Variants in GIMAP4 observed in about 807,000 individuals in gnomAD.
GIMAP4 encodes the protein GTPase IMAP family member 4.
A neutral mutation model predicts 10.8 loss-of-function variants in GIMAP4; 12 were observed. The observed-to-expected ratio is 1.11, with a 90% CI of 0.71 to 1.81. The LOEUF (loss-of-function observed/expected upper bound fraction) is 1.81. Ranked by LOEUF, GIMAP4 falls within the 40% of genes most tolerant of loss-of-function variation. The pLI, the probability that GIMAP4 is intolerant of heterozygous loss-of-function variation, is 0.00. For missense variants in GIMAP4, 412 were observed against 404.6 expected (o/e 1.02, Z -0.16); for synonymous variants, 149 against 147.2 (o/e 1.01, Z -0.09).
At chr7:150,567,934 G>A in intron 1 of GIMAP4, among the ~76,000 whole-genome samples, 1 of 152,198 alleles carries the variant, frequency 6.6e-6, no homozygotes, top group Non-Finnish European at 1.5e-5. Context: ...ACAGTCCTGG[G>A]TTTACTGGGC....
chr7:150,572,626 T>A lies in GIMAP4; in HGVS notation c.556T>A (p.Tyr186Asn), dbSNP rs747093332. 3.7e-6 allele frequency: 6 copies of A among 1,614,218 alleles called. No homozygotes were observed. The change falls in exon 3 of 3, where the codon TAC becomes AAC. Residue 186 changes from tyrosine to asparagine, a missense_variant. Transcript: ENST00000255945. ...QDLMDIFGDRYCALNNKATGA... is the reference protein window; with the variant it reads ...QDLMDIFGDRNCALNNKATGA... ...CTTGATGGACATTTTCGGTGACCGC[T>A]ACTGTGCGTTAAACAACAAGGCAAC... is the stretch of plus-strand genomic sequence containing the variant.
At position 150,572,644 on chromosome 7, in the gene GIMAP4, A is replaced by G. The variant is rs1262478680; in HGVS notation, c.574A>G (p.Lys192Glu). ...TGACCGCTACTGTGCGTTAAACAAC[A>G]AGGCAACAGGCGCTGAGCAGGAGGC... ...FGDRYCALNN[K>E]ATGAEQEAQR... The change falls in exon 3 of 3, where the codon AAG (lysine) becomes GAG (glutamate). Residue 192 changes from lysine to glutamate, a missense_variant. Coordinates refer to ENST00000255945, the MANE Select transcript of GIMAP4 (RefSeq NM_018326.3). The G allele has an allele frequency of 3.7e-6, 6 of 1,614,220 alleles. No individual in the cohort carries two copies. The highest frequency in any genetic ancestry group is 5.1e-6 in the Non-Finnish European group (6 of 1,180,030).
At chr7:150,571,424 A>T (rs1465865496) in intron 2 of GIMAP4, among the ~76,000 whole-genome samples, 1 of 152,202 alleles carries the variant, frequency 6.6e-6, no homozygotes, top group Non-Finnish European at 1.5e-5. Context: ...TTGGGAAAAT[A>T]AATCTCCACT....
At position 150,572,218 on chromosome 7, in the gene GIMAP4, A is replaced by G; in HGVS notation, c.148A>G (p.Ile50Val). The change falls in exon 3 of 3, where the codon ATC (isoleucine) becomes GTC (valine). Residue 50 changes from isoleucine (I) to valine (V), a missense_variant. Transcript: ENST00000255945. Reference sequence around the variant, plus strand: ...AGGAAAAAGTGCAACAGGAAACAGCATCCTTGGCCGGAAAGTGTTTCATTC... The same window carrying G: ...AGGAAAAAGTGCAACAGGAAACAGCGTCCTTGGCCGGAAAGTGTTTCATTC... ...GAGKSATGNS[I>V]LGRKVFHSGT... 8 of 1,614,040 alleles carry G rather than the reference A, an allele frequency of 5.0e-6. No homozygotes were observed. The highest frequency in any genetic ancestry group is 6.8e-6 in the Non-Finnish European group (8 of 1,179,886).
intron 1 of GIMAP4, among the ~76,000 whole-genome samples, chr7:150,567,979 A>AG (rs1258522669): frequency 1.3e-5 from 2 of 152,148 alleles, no homozygotes; most frequent in Admixed American, 6.6e-5. Flanking sequence ...GAGGAGGGAG[A>AG]TGCCACCTGG....
chr7:150,570,096 C>A, intron 2 of GIMAP4, 137 bp downstream of exon 2: 1 of 666,666 alleles, frequency 1.5e-6, no homozygotes, highest in Non-Finnish European at 2.7e-6. Flanking sequence ...AAAAATATTT[C>A]CAACCTCTTT....
At chr7:150,569,677 C>T (rs558990302) in intron 1 of GIMAP4, among the ~76,000 whole-genome samples, 1 of 152,148 alleles carries the variant, frequency 6.6e-6, no homozygotes, top group South Asian at 2.1e-4. Context: ...TGAGGAAGCA[C>T]TGGAAGCATT....
rs1795766071 is a variant in GIMAP4, at chr7:150,573,711, A to G, written c.*651A>G. ...AAAAAGTGAAATACAGCAATTCAAC[A>G]GATAATAGAGCAATGTTTAGTATAT... On this transcript the variant is annotated 3_prime_UTR_variant, in exon 3 of 3. Transcript: ENST00000255945. 2.0e-5 allele frequency: 3 copies of G among 152,246 alleles called. No individual in the cohort carries two copies. Among genetic ancestry groups the G allele is most frequent in the Admixed American group, 6.5e-5 (1 of 15,290 alleles). 9.4% of individuals were successfully genotyped at this position (152,246 alleles called of 1,614,324 possible).
chr7:150,569,838 A>G (rs1249274552), intron 1 of GIMAP4, 50 bp from the exon 2 acceptor site: 1 of 839,656 alleles, frequency 1.2e-6, no homozygotes. Flanking sequence ...CAGGGATTCT[A>G]GTTGCTTCCA....
Position 150,572,860 on chromosome 7 carries a change from A to C in GIMAP4, c.790A>C (p.Arg264=). 1 of 1,613,774 alleles carries C rather than the reference A, an allele frequency of 6.2e-7. No homozygotes were observed. Among genetic ancestry groups the C allele is most frequent in the South Asian group, 1.1e-5 (1 of 91,050 alleles). The change falls in exon 3 of 3, where the codon AGA becomes CGA. Residue 264 remains arginine, a synonymous_variant. Coordinates refer to ENST00000255945, the MANE Select transcript of GIMAP4 (RefSeq NM_018326.3). ...AAGAGAGGAGTATGAAGAGAAAATC[A>C]GAAAGCTGGAAGATAAAGTGGAGCA... ...RIREEYEEKI[R]KLEDKVEQEK... is the part of the protein sequence containing the mutation.
chr7:150,568,171 G>A (rs1000076770), intron 1 of GIMAP4, among the ~76,000 whole-genome samples: 4 of 152,126 alleles, frequency 2.6e-5, no homozygotes, highest in African/African-American at 9.7e-5. Context: ...AGGATATGAA[G>A]AAACACCCAG....
At chr7:150,569,196 G>A (rs187617784) in intron 1 of GIMAP4, among the ~76,000 whole-genome samples, 118 of 152,318 alleles carry the variant, frequency 7.7e-4, no homozygotes, top group Non-Finnish European at 2.5e-4. Context: ...TCTGATTGTA[G>A]AGTAGAAAAG....
intron 2 of GIMAP4, among the ~76,000 whole-genome samples, chr7:150,571,480 T>C (rs976148340): frequency 2.6e-5 from 4 of 152,146 alleles, no homozygotes; most frequent in Non-Finnish European, 4.4e-5. Context: ...TGCACGACCT[T>C]ATTTAGAAAG....
chr7:150,570,599 G>T (rs1322003473), intron 2 of GIMAP4, among the ~76,000 whole-genome samples: 6 of 152,138 alleles, frequency 3.9e-5, no homozygotes, highest in Non-Finnish European at 1.5e-5. Context: ...GCTGTTCTTG[G>T]GTCTGGACCA....
rs374374738 is a variant in GIMAP4, at chr7:150,569,969, C to A, written c.58+10C>A. 2.1e-6 allele frequency: 3 copies of A among 1,460,626 alleles called. No homozygotes were observed. Among genetic ancestry groups the A allele is most frequent in the African/African-American group, 3.0e-5 (2 of 67,604 alleles). The allele number at this position is 1,460,626 out of a possible 1,614,324, so 90.5% of individuals were successfully genotyped here. ...CCAGGGGCCAGTTATGGTGAGAGGGCATTCAGTGCTCCCCAGACCAGGCTG... is the reference window on the plus strand; with the variant it reads ...CCAGGGGCCAGTTATGGTGAGAGGGAATTCAGTGCTCCCCAGACCAGGCTG... On this transcript the variant is annotated intron_variant, in intron 2 of 2. Transcript: ENST00000255945.
At chr7:150,569,641 G>C (rs553713810) in intron 1 of GIMAP4, among the ~76,000 whole-genome samples, 2 of 152,314 alleles carry the variant, frequency 1.3e-5, no homozygotes, top group Admixed American at 1.3e-4. Context: ...TCTCTAGATA[G>C]AGGGGGGAAG....
intron 2 of GIMAP4, 93 bp downstream of exon 2, chr7:150,570,052 C>A: frequency 1.3e-6 from 1 of 776,562 alleles, no homozygotes. Flanking sequence ...TGGGGTTCTC[C>A]TGCCTTGCCA....
rs140830748 is a variant in GIMAP4 at position 150,572,682 on chromosome 7, G to A, written c.612G>A (p.Gln204=). Residue 204 remains glutamine, a synonymous_variant, in exon 3 of 3, where the codon CAG becomes CAA. Transcript: ENST00000255945. ...CTGAGCAGGAGGCCCAGAGGGCACAGTTGCTGGGCCTGATCCAGCGCGTGG... is the reference window on the plus strand; with the variant it reads ...CTGAGCAGGAGGCCCAGAGGGCACAATTGCTGGGCCTGATCCAGCGCGTGG... ...TGAEQEAQRA[Q]LLGLIQRVVR... is the part of the protein sequence containing the mutation. The A allele has an allele frequency of 1.4e-4, 232 of 1,614,184 alleles. 2 individuals carry two copies. In the South Asian group the frequency reaches 1.7e-3, roughly 12 times the overall value.
At chr7:150,569,402 C>CA (rs1302832859) in intron 1 of GIMAP4, among the ~76,000 whole-genome samples, 1 of 152,104 alleles carries the variant, frequency 6.6e-6, no homozygotes, top group African/African-American at 2.4e-5. Context: ...GCAGGAGCCA[C>CA]GGGGCTAGAT....
Sources: allele counts gnomAD v4.1 joint callset (sites outside exome capture counted in the v4.1 genomes callset), GRCh38; gene constraint gnomAD v4.1.1; transcripts MANE v1.5; gene names NCBI Gene and HGNC (gene_info 2026-07-23, HGNC 2026-07-21).